Variants in TUBGCP3 observed in about 807,000 individuals in gnomAD.
The protein encoded by TUBGCP3 is tubulin gamma complex component 3.
A neutral mutation model predicts 123.1 loss-of-function variants in TUBGCP3; 50 were observed. That is an observed-to-expected ratio of 0.41 (90% CI 0.32 to 0.51). The LOEUF (loss-of-function observed/expected upper bound fraction) is 0.51. Among genes scored for constraint, TUBGCP3 ranks in the 20% least tolerant of loss-of-function variants. The pLI is 0.36. For missense variants in TUBGCP3, 882 were observed against 1,127.0 expected (o/e 0.78, Z 3.11); for synonymous variants, 405 against 413.9 (o/e 0.98, Z 0.26).
intron 11 of TUBGCP3, 93 bp from the exon 12 acceptor site, chr13:112,527,577 G>T: frequency 2.3e-6 from 2 of 853,018 alleles, no homozygotes; most frequent in Non-Finnish European, 3.9e-6. Context: ...ATTCTAGAAA[G>T]CCAAGTTCTC....
At chr13:112,497,270 G>A (rs1431323663) in intron 20 of TUBGCP3, among the ~76,000 whole-genome samples, 2 of 152,212 alleles carry the variant, frequency 1.3e-5, no homozygotes, top group East Asian at 1.9e-4. Flanking sequence ...AGGTAGAATC[G>A]TGAGTATATC....
intron 13 of TUBGCP3, among the ~76,000 whole-genome samples, chr13:112,525,427 A>G (rs568903527): frequency 5.6e-4 from 86 of 152,306 alleles, no homozygotes; most frequent in African/African-American, 2.0e-3. Context: ...ATTTTACTAC[A>G]CATCTCCTCT....
At chr13:112,534,140 C>T (rs1487011869) in intron 11 of TUBGCP3, among the ~76,000 whole-genome samples, 3 of 152,146 alleles carry the variant, frequency 2.0e-5, no homozygotes, top group African/African-American at 7.2e-5. Flanking sequence ...CGCCCGACTC[C>T]GGGGGCTGCT....
chr13:112,552,984 C>T (rs1450567007), intron 8 of TUBGCP3, among the ~76,000 whole-genome samples: 2 of 151,738 alleles, frequency 1.3e-5, no homozygotes, highest in South Asian at 2.1e-4. Flanking sequence ...TACTCGCCTA[C>T]TCACCAGCCA....
intron 17 of TUBGCP3, 99 bp from the exon 18 acceptor site, chr13:112,504,813 A>C: frequency 2.1e-6 from 2 of 960,168 alleles, no homozygotes; most frequent in Non-Finnish European, 3.2e-6. Context: ...TAAAACAAAA[A>C]ATCAGTCATT....
At chr13:112,585,838 C>A (rs1882570098) in intron 1 of TUBGCP3, among the ~76,000 whole-genome samples, 1 of 151,852 alleles carries the variant, frequency 6.6e-6, no homozygotes, top group Non-Finnish European at 1.5e-5. Flanking sequence ...CTTTTAGACA[C>A]AGTTCTAAAT....
intron 10 of TUBGCP3, 82 bp downstream of exon 10, chr13:112,547,538 A>AAAGTCGCGCG (rs1879126926): frequency 5.1e-5 from 64 of 1,243,428 alleles, no homozygotes; most frequent in East Asian, 3.7e-4. Flanking sequence ...AAAGACGTGC[A>AAAGTCGCGCG]TGGGAAAGTC....
At chr13:112,512,882 T>C (rs1366190550) in intron 17 of TUBGCP3, among the ~76,000 whole-genome samples, 1 of 152,216 alleles carries the variant, frequency 6.6e-6, no homozygotes, top group Non-Finnish European at 1.5e-5. Flanking sequence ...TAAGTTAATG[T>C]CTTAAAAACC....
chr13:112,588,112 C>T lies in TUBGCP3; in HGVS notation c.-132G>A, dbSNP rs895723231. The T allele has an allele frequency of 5.5e-6, 4 of 730,176 alleles. No homozygotes were observed. The highest frequency in any genetic ancestry group is 3.4e-5 in the East Asian group (1 of 29,068). 45.2% of individuals were successfully genotyped at this position (730,176 alleles called of 1,614,324 possible). The stretch of plus-strand genomic sequence containing the variant: ...TGACAGGCTAAGGCGCGGGCGCCGC[C>T]GGCCACCAGGGCGCCATTTTAACGG... On this transcript the variant is annotated 5_prime_UTR_variant, in exon 1 of 22. Transcript: ENST00000261965.
chr13:112,527,282 AT>A (rs1419465087), intron 12 of TUBGCP3, 91 bp downstream of exon 12: 1 of 987,872 alleles, frequency 1.0e-6, no homozygotes, highest in African/African-American at 1.6e-5. Context: ...CTCAAAACGC[AT>A]GAAATTTTAA....
chr13:112,491,006 T>C (rs1444234648), intron 20 of TUBGCP3, among the ~76,000 whole-genome samples: 2 of 152,230 alleles, frequency 1.3e-5, no homozygotes, highest in African/African-American at 4.8e-5. Flanking sequence ...GAGTAAGTTC[T>C]TTCTCACTTG....
chr13:112,598,125 T>G, the TUBGCP3 span, among the ~76,000 whole-genome samples: 72 of 152,106 alleles, frequency 4.7e-4, no homozygotes, highest in Non-Finnish European at 3.5e-4. Flanking sequence ...AAAGAAAACA[T>G]AGAGGCCAGA....
At chr13:112,530,230 C>T in intron 11 of TUBGCP3, among the ~76,000 whole-genome samples, 1 of 152,294 alleles carries the variant, frequency 6.6e-6, no homozygotes, top group Non-Finnish European at 1.5e-5. Flanking sequence ...AAATGTTATA[C>T]TTGCATTACT....
intron 7 of TUBGCP3, among the ~76,000 whole-genome samples, chr13:112,554,585 A>G (rs534696781): frequency 1.3e-5 from 2 of 152,344 alleles, no homozygotes; most frequent in East Asian, 3.9e-4. Context: ...CGAAGGTGCC[A>G]AGGGACCTCT....
chr13:112,588,596 G>GCGGC (rs1408410465), upstream of TUBGCP3, among the ~76,000 whole-genome samples: 1 of 152,168 alleles, frequency 6.6e-6, no homozygotes, highest in Non-Finnish European at 1.5e-5. Flanking sequence ...GCACTGCCGC[G>GCGGC]CGGGCCGGTC....
At chr13:112,558,032 G>GT (rs1477952183) in intron 5 of TUBGCP3, among the ~76,000 whole-genome samples, 164 bp downstream of exon 5, 1 of 152,242 alleles carries the variant, frequency 6.6e-6, no homozygotes, top group African/African-American at 2.4e-5. Flanking sequence ...CTGAAGAGGA[G>GT]TAACGTTCAG....
At chr13:112,502,062 A>G (rs904923925) in intron 19 of TUBGCP3, among the ~76,000 whole-genome samples, 4 of 152,204 alleles carry the variant, frequency 2.6e-5, no homozygotes, top group Admixed American at 6.5e-5. Context: ...ACATTTTCTG[A>G]AATGCATGAA....
intron 11 of TUBGCP3, among the ~76,000 whole-genome samples, chr13:112,541,903 T>C (rs902650215): frequency 2.0e-5 from 3 of 152,198 alleles, no homozygotes; most frequent in African/African-American, 4.8e-5. Context: ...ATACAGATTC[T>C]TTAATTAAAT....
chr13:112,538,784 A>G (rs1407511232), intron 11 of TUBGCP3, among the ~76,000 whole-genome samples: 1 of 152,242 alleles, frequency 6.6e-6, no homozygotes, highest in Non-Finnish European at 1.5e-5. Flanking sequence ...ACACACTTGA[A>G]AAAAATGCAA....
Sources: allele counts gnomAD v4.1 joint callset (sites outside exome capture counted in the v4.1 genomes callset), GRCh38; gene constraint gnomAD v4.1.1; transcripts MANE v1.5; gene names NCBI Gene and HGNC (gene_info 2026-07-23, HGNC 2026-07-21).